The following HERC2 variants were observed in gnomAD, a reference collection of about 807,000 sequenced individuals.
HERC2 encodes the protein E3 ubiquitin-protein ligase HERC2.
A neutral mutation model predicts 537.7 loss-of-function variants in HERC2; 102 were observed. That is an observed-to-expected ratio of 0.19 (90% CI 0.16 to 0.22). The LOEUF is 0.22. HERC2 is among the 10% of genes least tolerant of loss of function. The pLI is 1.00. For synonymous variants in HERC2, 2,224 were observed against 2,466.2 expected, an observed-to-expected ratio of 0.90 and a Z score of 2.91; for missense variants, 4,236 against 6,198.2, an observed-to-expected ratio of 0.68 and a Z score of 10.63.
At position 28,299,429 on chromosome 15, in the gene HERC2, G is replaced by C. The variant is rs2076559041; in HGVS notation, c.160C>G (p.Gln54Glu). 1 of 1,588,936 alleles carries C rather than the reference G, an allele frequency of 6.3e-7. No homozygotes were observed. Among genetic ancestry groups the C allele is most frequent in the Non-Finnish European group, 8.6e-7 (1 of 1,157,446 alleles). ...TTTCTAGGAGGGAGCTCTCCGTTCT[G>C]GGTTGATTCTGTTCCAGTGTATACA... ...EIVYTGTEST[Q>E]NGELPPRKDD... is the part of the protein sequence containing the mutation. Residue 54 changes from glutamine (Q) to glutamate (E), a missense_variant, in exon 3 of 93, where the codon CAG becomes GAG. Coordinates refer to ENST00000261609, the MANE Select transcript of HERC2 (RefSeq NM_004667.6).
chr15:28,272,554 T>A (rs1233138183), intron 8 of HERC2, among the ~76,000 whole-genome samples, 168 bp from the exon 9 acceptor site: 1 of 152,138 alleles, frequency 6.6e-6, no homozygotes, highest in African/African-American at 2.4e-5. Context: ...ACACCAAGAC[T>A]TTAGCACAAG....
At chr15:28,153,756 T>C (rs180680885) in intron 69 of HERC2, among the ~76,000 whole-genome samples, 17 of 152,276 alleles carry the variant, frequency 1.1e-4, no homozygotes, top group African/African-American at 3.4e-4. Flanking sequence ...TAGCTTCATT[T>C]TACACCAAGA....
At chr15:28,195,283 AAAT>A (rs1474021192) in intron 52 of HERC2, among the ~76,000 whole-genome samples, 1 of 152,046 alleles carries the variant, frequency 6.6e-6, no homozygotes, top group Non-Finnish European at 1.5e-5. Context: ...TGTCTCAAAA[AAAT>A]AATAATTAAA....
intron 19 of HERC2, among the ~76,000 whole-genome samples, chr15:28,255,499 A>G (rs1453011188): frequency 6.6e-6 from 1 of 152,226 alleles, no homozygotes; most frequent in Non-Finnish European, 1.5e-5. Flanking sequence ...GCAAAGCAAG[A>G]AAGAGTGCAT....
At position 28,122,120 on chromosome 15, in the gene HERC2, AC is replaced by A. The variant is rs1256860933; in HGVS notation, c.13189-692del. On this transcript the variant is annotated intron_variant, in intron 85 of 92. Transcript: ENST00000261609. This position sits in a 1 kb window ranked among gnomAD's most constrained non-coding sequence, Gnocchi z 4.1. ...AGAAAAGACAGACCGGGGAGGGGAAACAAGGTCCTGGCTGGGATCACACTAA... is the reference window on the plus strand; with the variant it reads ...AGAAAAGACAGACCGGGGAGGGGAAAAAGGTCCTGGCTGGGATCACACTAA... 6.7e-6 allele frequency among the ~76,000 whole-genome samples: 1 copy of A among 148,716 alleles called. No homozygotes were observed. Among genetic ancestry groups the A allele is most frequent in the African/African-American group, 2.5e-5 (1 of 40,388 alleles).
chr15:28,254,718 G>C, intron 19 of HERC2, among the ~76,000 whole-genome samples, 200 bp from the exon 20 acceptor site: 1 of 152,144 alleles, frequency 6.6e-6, no homozygotes, highest in South Asian at 2.1e-4. Flanking sequence ...TCTTTTTACA[G>C]AATCAAGGTC....
At chr15:28,236,680 C>A (rs1463379146) in intron 26 of HERC2, among the ~76,000 whole-genome samples, 2 of 151,982 alleles carry the variant, frequency 1.3e-5, no homozygotes, top group East Asian at 3.9e-4. Context: ...CTCAACCTCC[C>A]AGGCTCAAGC....
At chr15:28,210,369 G>C (rs540914435) in intron 44 of HERC2, among the ~76,000 whole-genome samples, 2 of 152,096 alleles carry the variant, frequency 1.3e-5, no homozygotes, top group Non-Finnish European at 2.9e-5. Flanking sequence ...TCCTGACCTC[G>C]TGATCCGCCG....
intron 74 of HERC2, 89 bp from the exon 75 acceptor site, chr15:28,143,041 G>T: frequency 7.9e-7 from 1 of 1,260,616 alleles, no homozygotes; most frequent in Non-Finnish European, 1.1e-6. Context: ...GTTTTATTAT[G>T]TTGGTACTAA....
intron 2 of HERC2, among the ~76,000 whole-genome samples, chr15:28,313,469 G>A (rs1265292449): frequency 1.1e-4 from 16 of 150,728 alleles, no homozygotes; most frequent in South Asian, 4.4e-4. Flanking sequence ...CACCCAGCCC[G>A]TTAAGGCATT....
chr15:28,272,913 C>T lies in HERC2; in HGVS notation c.892G>A (p.Val298Met). ...LALAILLELAVQRGTLSQMLS... is the reference protein window; with the variant it reads ...LALAILLELAMQRGTLSQMLS... ...CCTCACCTCAGCGTGCCTCTCTGCA[C>T]AGCCAGCTCCAGCAGGATGGCCAGG... is the stretch of plus-strand genomic sequence containing the variant. Residue 298 changes from valine (V) to methionine (M), a missense_variant, in exon 8 of 93, where the codon GTG becomes ATG. By Grantham distance (21) the Val-to-Met change is conservative. Around this residue, in one of 27 missense-constraint regions of HERC2, gnomAD observed 491 missense variants for 559.3 expected, o/e 0.88. Transcript: ENST00000261609. The T allele has an allele frequency of 6.2e-7, 1 of 1,611,426 alleles. No individual in the cohort carries two copies. Among genetic ancestry groups the T allele is most frequent in the Non-Finnish European group, 8.5e-7 (1 of 1,179,896 alleles).
At chr15:28,156,900 G>A (rs1893069434) in intron 69 of HERC2, among the ~76,000 whole-genome samples, 1 of 152,082 alleles carries the variant, frequency 6.6e-6, no homozygotes, top group African/African-American at 2.4e-5. Flanking sequence ...GTCATAAATA[G>A]CTCATTATTT....
chr15:28,228,120 A>C, intron 35 of HERC2, 98 bp downstream of exon 35: 11 of 1,078,984 alleles, frequency 1.0e-5, no homozygotes, highest in South Asian at 1.5e-5. Context: ...CATAATTTAC[A>C]AAAAGCTTTA....
rs58447102 is a variant in HERC2 at position 28,279,615 on chromosome 15, C to CCACACACACACACACACACA, written c.542+433_542+452dup. Among the ~76,000 whole-genome samples the CCACACACACACACACACACA allele has an allele frequency of 4.7e-3, 660 of 141,654 alleles. 7 individuals are homozygous for CCACACACACACACACACACA. The highest frequency in any genetic ancestry group is 0.017 in the African/African-American group (624 of 37,778). 92.9% of individuals were successfully genotyped at this position (141,654 alleles called of 152,430 possible). ...TGAGGCCAGGAGCAAGACCCCATCTCCACACACACACACACACACACACAC... is the reference window on the plus strand; with the variant it reads ...TGAGGCCAGGAGCAAGACCCCATCTCCACACACACACACACACACACACACACACACACACACACACACAC... On this transcript the variant is annotated intron_variant, in intron 5 of 92. Transcript: ENST00000261609.
At chr15:28,131,423 T>C (rs1368651960) in intron 81 of HERC2, among the ~76,000 whole-genome samples, 3 of 152,102 alleles carry the variant, frequency 2.0e-5, no homozygotes, top group Non-Finnish European at 4.4e-5. Flanking sequence ...AGCAACAGGC[T>C]CCCAAGTACC....
At chr15:28,304,915 A>T (rs1309330379) in intron 2 of HERC2, among the ~76,000 whole-genome samples, 2 of 132,888 alleles carry the variant, frequency 1.5e-5, no homozygotes, top group East Asian at 2.1e-4. Flanking sequence ...CCTTCCTGTG[A>T]CCATGTGATC....
Position 28,268,677 on chromosome 15 carries a change from A to C in HERC2, c.1447-61T>G. 124 of 1,398,538 alleles carry C rather than the reference A, an allele frequency of 8.9e-5. No homozygotes were observed. Among genetic ancestry groups the C allele is most frequent in the Middle Eastern group, 1.8e-4 (1 of 5,634 alleles). 86.6% of individuals were successfully genotyped at this position (1,398,538 alleles called of 1,614,324 possible). A position where few individuals can be genotyped will look rare whatever the true frequency, so the allele number is the denominator to read the frequency against. The stretch of plus-strand genomic sequence containing the variant: ...AGTCCAAGGAAAATGAAACCAGCTC[A>C]GCTCTCCGTTATCATGTATCCCCAA... On this transcript the variant is annotated intron_variant, in intron 11 of 92. Transcript: ENST00000261609. This position sits in a 1 kb window ranked among gnomAD's most constrained non-coding sequence, Gnocchi z 4.7.
chr15:28,227,782 A>G (rs1261799544), intron 35 of HERC2, among the ~76,000 whole-genome samples: 2 of 152,262 alleles, frequency 1.3e-5, no homozygotes, highest in Admixed American at 1.3e-4. Context: ...AAAATGTTAT[A>G]TATTCATACA....
At chr15:28,132,487 C>A (rs920217995) in intron 80 of HERC2, among the ~76,000 whole-genome samples, 166 bp downstream of exon 80, 1 of 152,234 alleles carries the variant, frequency 6.6e-6, no homozygotes, top group Admixed American at 6.5e-5. Context: ...GATGAGCCAA[C>A]CCTACATCAC....
Sources: allele counts gnomAD v4.1 joint callset (sites outside exome capture counted in the v4.1 genomes callset), GRCh38; gene constraint gnomAD v4.1.1; regional missense constraint gnomAD v4.1.1; non-coding constraint Gnocchi (gnomAD v3.1); transcripts MANE v1.5; gene names NCBI Gene and HGNC (gene_info 2026-07-23, HGNC 2026-07-21).